The following USP32 variants were observed in gnomAD, a reference collection of about 807,000 sequenced individuals.
USP32 encodes ubiquitin specific peptidase 32, also known as ubiquitin carboxyl-terminal hydrolase 32.
A neutral mutation model predicts 204.8 loss-of-function variants in USP32; 59 were observed. The observed-to-expected ratio is 0.29, with a 90% CI of 0.23 to 0.36. USP32 has a LOEUF of 0.36. USP32 is among the 10% of genes least tolerant of loss of function. The pLI is 1.00. For missense variants in USP32, 1,160 were observed against 1,946.4 expected (o/e 0.60, Z 7.60); for synonymous variants, 517 against 678.4 (o/e 0.76, Z 3.70).
At chr17:60,314,059 T>C (rs143217247) in intron 2 of USP32, among the ~76,000 whole-genome samples, 20 of 149,124 alleles carry the variant, frequency 1.3e-4, no homozygotes, top group African/African-American at 4.9e-4. Context: ...ATAGAAACTA[T>C]ATTTTAAAAA....
chr17:60,376,993 T>C (rs962713402), intron 1 of USP32, among the ~76,000 whole-genome samples: 4 of 152,152 alleles, frequency 2.6e-5, no homozygotes, highest in African/African-American at 7.2e-5. Context: ...ACAAAGAACA[T>C]TGTCATAATA....
At chr17:60,267,661 T>C (rs764687375) in intron 7 of USP32, among the ~76,000 whole-genome samples, 46 of 150,778 alleles carry the variant, frequency 3.1e-4, no homozygotes, top group Non-Finnish European at 4.4e-4. Context: ...GCTGGGACTA[T>C]AGGTGTCCAC....
upstream of USP32, among the ~76,000 whole-genome samples, chr17:60,396,205 G>A (rs1206987196): frequency 2.0e-5 from 3 of 148,416 alleles, no homozygotes; most frequent in African/African-American, 7.6e-5. Flanking sequence ...AGCCTCCCAA[G>A]TAGCTGGGAC....
chr17:60,341,209 G>A (rs1007606131), intron 2 of USP32, among the ~76,000 whole-genome samples: 3 of 152,046 alleles, frequency 2.0e-5, no homozygotes, highest in African/African-American at 7.2e-5. Context: ...TTTGAATGTT[G>A]GCCTGCCTTG....
At chr17:60,325,706 C>T (rs1161381740) in intron 2 of USP32, among the ~76,000 whole-genome samples, 1 of 152,026 alleles carries the variant, frequency 6.6e-6, no homozygotes, top group African/African-American at 2.4e-5. Flanking sequence ...GCTGGCAGAT[C>T]GCTTGAGCCC....
At chr17:60,364,556 T>C (rs2089277415) in intron 1 of USP32, among the ~76,000 whole-genome samples, 1 of 152,156 alleles carries the variant, frequency 6.6e-6, no homozygotes, top group Non-Finnish European at 1.5e-5. Context: ...TTTCTATTTT[T>C]AGTAGAGACA....
intron 13 of USP32, among the ~76,000 whole-genome samples, 186 bp from the exon 14 acceptor site, chr17:60,223,772 T>C (rs1598093597): frequency 6.6e-6 from 1 of 152,254 alleles, no homozygotes; most frequent in East Asian, 1.9e-4. Context: ...GGCATGGTAC[T>C]AAAAATAAGA....
intron 9 of USP32, among the ~76,000 whole-genome samples, chr17:60,262,455 G>C (rs1399038820): frequency 1.3e-5 from 2 of 152,208 alleles, no homozygotes; most frequent in East Asian, 1.9e-4. Flanking sequence ...GCCTCCCAAA[G>C]TGCTGGGATT....
chr17:60,308,662 T>C (rs2087785063), intron 2 of USP32, among the ~76,000 whole-genome samples: 1 of 152,174 alleles, frequency 6.6e-6, no homozygotes, highest in South Asian at 2.1e-4. Context: ...ATGCGGTGGC[T>C]CATGTCTGGA....
intron 11 of USP32, among the ~76,000 whole-genome samples, chr17:60,250,949 CT>C (rs951336634): frequency 1.7e-3 from 242 of 143,526 alleles, no homozygotes; most frequent in Middle Eastern, 7.5e-3. Flanking sequence ...CCTTTCTTTT[CT>C]TTTTTTTTTT....
chr17:60,221,029 CAT>C (rs985162361), intron 15 of USP32, among the ~76,000 whole-genome samples: 1 of 152,038 alleles, frequency 6.6e-6, no homozygotes, highest in Non-Finnish European at 1.5e-5. Context: ...CCTTTACTCT[CAT>C]AACCAATATC....
rs564507472 is a variant in USP32 at position 60,336,277 on chromosome 17, C to T, written c.186+9204G>A. 1.7e-3 allele frequency among the ~76,000 whole-genome samples: 244 copies of T among 142,956 alleles called. 14 individuals carry two copies. The highest frequency in any genetic ancestry group is 2.7e-3 in the Non-Finnish European group (183 of 67,726). 93.8% of individuals were successfully genotyped at this position (142,956 alleles called of 152,430 possible). On this transcript the variant is annotated intron_variant, in intron 2 of 33. Transcript: ENST00000300896. Reference sequence around the variant, plus strand: ...ATGAAGCTGTTTAAATTTGCTCTAGCTTAAAACTTGACAACTAAGGACCAT... The same window carrying T: ...ATGAAGCTGTTTAAATTTGCTCTAGTTTAAAACTTGACAACTAAGGACCAT...
chr17:60,360,673 GCAAAAAAA>G (rs1278860214), intron 1 of USP32, among the ~76,000 whole-genome samples: 1 of 150,288 alleles, frequency 6.7e-6, no homozygotes, highest in Non-Finnish European at 1.5e-5. Context: ...AGACTCCATC[GCAAAAAAA>G]CAAACAAACA....
chr17:60,322,435 C>T (rs1308215329), intron 2 of USP32, among the ~76,000 whole-genome samples: 2 of 152,054 alleles, frequency 1.3e-5, no homozygotes, highest in East Asian at 3.8e-4. Flanking sequence ...TTCATTTTGG[C>T]TCTCTGTATT....
intron 27 of USP32, among the ~76,000 whole-genome samples, chr17:60,194,396 C>T (rs1789085830): frequency 6.6e-6 from 1 of 152,202 alleles, no homozygotes; most frequent in South Asian, 2.1e-4. Context: ...AAATAGATCT[C>T]TTCCTTACTC....
At chr17:60,187,846 C>G (rs568931192) in intron 29 of USP32, among the ~76,000 whole-genome samples, 1 of 152,112 alleles carries the variant, frequency 6.6e-6, no homozygotes, top group Admixed American at 6.6e-5. Flanking sequence ...TATAGGCACC[C>G]TCTTCTTTTT....
intron 11 of USP32, among the ~76,000 whole-genome samples, chr17:60,239,846 G>A (rs1218379770): frequency 2.6e-5 from 4 of 152,196 alleles, no homozygotes; most frequent in African/African-American, 9.7e-5. Flanking sequence ...GGATTCTCCT[G>A]CCTCAACCTT....
intron 1 of USP32, among the ~76,000 whole-genome samples, chr17:60,416,181 C>A (rs977444095): frequency 1.3e-5 from 2 of 152,040 alleles, no homozygotes; most frequent in African/African-American, 4.8e-5. Flanking sequence ...GAGGAGAGTT[C>A]TTTAGGGTAA....
At chr17:60,194,415 C>T (rs2145421884) in intron 27 of USP32, among the ~76,000 whole-genome samples, 1 of 152,302 alleles carries the variant, frequency 6.6e-6, no homozygotes, top group Non-Finnish European at 1.5e-5. Context: ...TCCTATGCCA[C>T]TTGTGCATGA....
Sources: gnomAD v4.1 joint callset for allele counts (sites outside exome capture counted in the v4.1 genomes callset) on GRCh38, gnomAD v4.1.1 for gene constraint, MANE v1.5 for transcripts, NCBI Gene and HGNC (gene_info 2026-07-23, HGNC 2026-07-21) for gene names.